Variants in CHL1 observed in about 807,000 individuals in gnomAD.
CHL1 encodes the protein cell adhesion molecule L1 like, also known as neural cell adhesion molecule L1-like protein.
Under a neutral mutation model 141.9 loss-of-function variants are expected in CHL1, and 96 were observed. The observed-to-expected ratio is 0.68, with a 90% CI of 0.57 to 0.80. The LOEUF (loss-of-function observed/expected upper bound fraction) is 0.80. Ranked by LOEUF, CHL1 falls within the 30% of genes least tolerant of loss-of-function variation. CHL1 has a pLI of 0.00. For synonymous variants in CHL1, 613 were observed against 502.2 expected, an observed-to-expected ratio of 1.22 and a Z score of -2.95; for missense variants, 1,820 against 1,457.2, an observed-to-expected ratio of 1.25 and a Z score of -4.05.
chr3:377,273 C>T (rs1706450911), intron 15 of CHL1, among the ~76,000 whole-genome samples: 1 of 152,138 alleles, frequency 6.6e-6, no homozygotes, highest in Admixed American at 6.6e-5. Context: ...TCAAATAAGT[C>T]ATATGCTTCA....
At chr3:310,024 G>T (rs1699621960) in intron 2 of CHL1, among the ~76,000 whole-genome samples, 1 of 151,920 alleles carries the variant, frequency 6.6e-6, no homozygotes, top group African/African-American at 2.4e-5. Context: ...TTTCTTTTTT[G>T]AAAATTCCTG....
intron 2 of CHL1, among the ~76,000 whole-genome samples, chr3:301,503 C>A (rs986456747): frequency 4.6e-5 from 7 of 152,170 alleles, no homozygotes; most frequent in Non-Finnish European, 8.8e-5. Context: ...CCATTATCCC[C>A]ACTGAATAAT....
chr3:316,006 G>A (rs1040535113), intron 2 of CHL1, among the ~76,000 whole-genome samples: 1 of 151,904 alleles, frequency 6.6e-6, no homozygotes, highest in African/African-American at 2.4e-5. Flanking sequence ...ATTTATGCAG[G>A]GCCCACAGAT....
chr3:317,444 C>A (rs1409807506), intron 2 of CHL1, among the ~76,000 whole-genome samples: 1 of 151,744 alleles, frequency 6.6e-6, no homozygotes, highest in Non-Finnish European at 1.5e-5. Context: ...AAATATTAAT[C>A]TGGAAATACG....
intron 13 of CHL1, among the ~76,000 whole-genome samples, chr3:362,252 G>C (rs1288426832): frequency 6.6e-6 from 1 of 151,950 alleles, no homozygotes; most frequent in African/African-American, 2.4e-5. Flanking sequence ...TGAATTAATT[G>C]GTATCATAAG....
intron 2 of CHL1, among the ~76,000 whole-genome samples, chr3:285,136 T>C (rs1574958746): frequency 6.6e-6 from 1 of 152,334 alleles, no homozygotes; most frequent in South Asian, 2.1e-4. Context: ...TTAGAATAAG[T>C]TTCATTATCA....
intron 2 of CHL1, among the ~76,000 whole-genome samples, chr3:311,837 G>T (rs11928134): frequency 0.05 from 7,676 of 152,098 alleles, 664 homozygotes; most frequent in African/African-American, 0.17. Context: ...AGTCCCTACA[G>T]GAATTTCACA....
At chr3:292,893 C>T (rs1057196361) in intron 2 of CHL1, among the ~76,000 whole-genome samples, 18 of 152,184 alleles carry the variant, frequency 1.2e-4, no homozygotes, top group African/African-American at 4.1e-4. Context: ...CCAGATACCT[C>T]CTACCAGGCA....
At chr3:357,956 G>A (rs1027705410) in intron 11 of CHL1, among the ~76,000 whole-genome samples, 3 of 152,150 alleles carry the variant, frequency 2.0e-5, no homozygotes, top group Admixed American at 2.0e-4. Context: ...GTGCTTTGCA[G>A]CATTCCTAAA....
intron 2 of CHL1, among the ~76,000 whole-genome samples, chr3:289,238 A>C (rs1452095939): frequency 6.6e-6 from 1 of 152,228 alleles, no homozygotes; most frequent in Non-Finnish European, 1.5e-5. Flanking sequence ...TTGCAAAGTT[A>C]GATTTATTGG....
chr3:349,636 C>T (rs1177764684), intron 10 of CHL1, 93 bp downstream of exon 10: 4 of 1,061,686 alleles, frequency 3.8e-6, no homozygotes, highest in Non-Finnish European at 5.5e-6. Flanking sequence ...CATGTTAAAA[C>T]AGGTCAGCAG....
At chr3:326,171 T>A in intron 4 of CHL1, 107 bp downstream of exon 4, 1 of 647,756 alleles carries the variant, frequency 1.5e-6, no homozygotes, top group Middle Eastern at 2.6e-4. Context: ...CACGCATGAT[T>A]AAAGCTAAGG....
intron 5 of CHL1, among the ~76,000 whole-genome samples, chr3:338,099 T>C (rs939046795): frequency 1.3e-4 from 20 of 152,034 alleles, no homozygotes; most frequent in South Asian, 1.0e-3. Context: ...CTCCTGACCT[T>C]GTGATCCGCC....
At chr3:322,303 T>TAA (rs35283349) in intron 3 of CHL1, among the ~76,000 whole-genome samples, 2 of 151,392 alleles carry the variant, frequency 1.3e-5, no homozygotes, top group Admixed American at 6.6e-5. Flanking sequence ...AATGAAAAAT[T>TAA]AAAAAAATAG....
intron 2 of CHL1, among the ~76,000 whole-genome samples, chr3:277,393 A>G (rs1696240677): frequency 6.6e-6 from 1 of 152,224 alleles, no homozygotes; most frequent in Admixed American, 6.5e-5. Context: ...GTGAAACCAG[A>G]GGATAATATT....
chr3:225,491 A>G (rs1302297353), intron 1 of CHL1, among the ~76,000 whole-genome samples: 1 of 152,248 alleles, frequency 6.6e-6, no homozygotes, highest in African/African-American at 2.4e-5. Context: ...TTCCTCAAGC[A>G]CGAGAATAGT....
At chr3:225,409 C>T (rs1347379257) in intron 1 of CHL1, among the ~76,000 whole-genome samples, 1 of 152,162 alleles carries the variant, frequency 6.6e-6, no homozygotes, top group Non-Finnish European at 1.5e-5. Context: ...CATATTTAAA[C>T]ATTTTGAAGT....
At chr3:394,048 C>G (rs760639082) in intron 23 of CHL1, among the ~76,000 whole-genome samples, 2 of 152,200 alleles carry the variant, frequency 1.3e-5, no homozygotes, top group Non-Finnish European at 2.9e-5. Flanking sequence ...ACTCCATACT[C>G]TTACACAAAT....
At chr3:216,940 G>T (rs1700373136) in intron 1 of CHL1, among the ~76,000 whole-genome samples, 1 of 152,162 alleles carries the variant, frequency 6.6e-6, no homozygotes, top group African/African-American at 2.4e-5. Flanking sequence ...GGCAGCATAA[G>T]ATATTAAATC....
Sources: allele counts gnomAD v4.1 joint callset (sites outside exome capture counted in the v4.1 genomes callset), GRCh38; gene constraint gnomAD v4.1.1; transcripts MANE v1.5; gene names NCBI Gene and HGNC (gene_info 2026-07-23, HGNC 2026-07-21).